The following CACNB2 variants were observed in gnomAD, a reference collection of about 807,000 sequenced individuals.
CACNB2 encodes the protein calcium voltage-gated channel auxiliary subunit beta 2.
Under a neutral mutation model 73.3 loss-of-function variants are expected in CACNB2, and 42 were observed. That is an observed-to-expected ratio of 0.57 (90% CI 0.45 to 0.74). The LOEUF is 0.74. Among genes scored for constraint, CACNB2 ranks in the 30% least tolerant of loss-of-function variants. CACNB2 has a pLI of 0.00. For synonymous variants in CACNB2, 348 were observed against 310.3 expected (o/e 1.12, Z -1.28); for missense variants, 940 against 853.0 (o/e 1.10, Z -1.27).
chr10:18,207,101 C>T (rs1478361824), intron 2 of CACNB2, among the ~76,000 whole-genome samples: 1 of 152,118 alleles, frequency 6.6e-6, no homozygotes, highest in Non-Finnish European at 1.5e-5. Flanking sequence ...CTCTACCTCC[C>T]GGGTTCAAGT....
At chr10:18,499,474 G>A (rs1387639994) in intron 4 of CACNB2, among the ~76,000 whole-genome samples, 1 of 151,974 alleles carries the variant, frequency 6.6e-6, no homozygotes, top group East Asian at 1.9e-4. Context: ...AATTATCTGG[G>A]TGTAGTGGCA....
chr10:18,428,745 C>T (rs1035382360), intron 3 of CACNB2, among the ~76,000 whole-genome samples: 3 of 151,272 alleles, frequency 2.0e-5, no homozygotes, highest in African/African-American at 7.3e-5. Context: ...AGGTTTTTAC[C>T]CTTTATTAGT....
intron 3 of CACNB2, among the ~76,000 whole-genome samples, chr10:18,411,707 C>T (rs1328122591): frequency 6.6e-6 from 1 of 152,078 alleles, no homozygotes; most frequent in Non-Finnish European, 1.5e-5. Flanking sequence ...GGGGTTTTAC[C>T]ATGTTGGCCA....
chr10:18,404,381 G>T (rs2044170965), intron 3 of CACNB2, among the ~76,000 whole-genome samples: 1 of 152,016 alleles, frequency 6.6e-6, no homozygotes, highest in Non-Finnish European at 1.5e-5. Context: ...AATTTTTATT[G>T]TTATCTATAA....
intron 2 of CACNB2, among the ~76,000 whole-genome samples, chr10:18,165,397 C>T (rs2131116600): frequency 6.6e-6 from 1 of 152,330 alleles, no homozygotes; most frequent in South Asian, 2.1e-4. Flanking sequence ...TGTCACTGCA[C>T]CTGTGCCCTC....
intron 2 of CACNB2, among the ~76,000 whole-genome samples, chr10:18,313,289 C>A (rs2131898464): frequency 6.7e-6 from 1 of 149,870 alleles, no homozygotes; most frequent in East Asian, 2.0e-4. Context: ...AGCACCGTGG[C>A]CATTTGGGGC....
intron 2 of CACNB2, among the ~76,000 whole-genome samples, chr10:18,216,153 C>A (rs1271688898): frequency 1.3e-5 from 2 of 149,538 alleles, no homozygotes; most frequent in African/African-American, 4.9e-5. Flanking sequence ...AAAAAATAGC[C>A]AAATGTGTTG....
chr10:18,310,605 C>CAAAAAAAAAAAAAAAAAAAAAAAATA (rs1157466238), intron 2 of CACNB2, among the ~76,000 whole-genome samples: 3 of 36,854 alleles, frequency 8.1e-5, no homozygotes, highest in East Asian at 1.3e-3. Flanking sequence ...AACTCCATCT[C>CAAAAAAAAAAAAAAAAAAAAAAAATA]AAAAAAAAAA....
At chr10:18,304,481 T>C (rs2039650598) in intron 2 of CACNB2, among the ~76,000 whole-genome samples, 1 of 152,162 alleles carries the variant, frequency 6.6e-6, no homozygotes, top group Non-Finnish European at 1.5e-5. Flanking sequence ...TCCCCAAATT[T>C]CCAGGTGAAG....
intron 2 of CACNB2, among the ~76,000 whole-genome samples, chr10:18,154,714 C>T (rs1187442415): frequency 7.2e-5 from 11 of 152,134 alleles, no homozygotes; most frequent in Admixed American, 1.3e-4. Flanking sequence ...GTGATCCACC[C>T]GCCTCGGCCT....
chr10:18,308,166 G>A (rs940443837), intron 2 of CACNB2, among the ~76,000 whole-genome samples: 1 of 151,614 alleles, frequency 6.6e-6, no homozygotes, highest in African/African-American at 2.4e-5. Flanking sequence ...GCTAATTTTT[G>A]TATTTTTGGT....
intron 3 of CACNB2, among the ~76,000 whole-genome samples, chr10:18,444,859 T>C (rs147042047): frequency 1.6e-4 from 24 of 152,320 alleles, no homozygotes; most frequent in Middle Eastern, 6.8e-3. Context: ...GAATTGTAAA[T>C]TGAGGGAACA....
At chr10:18,419,563 C>G (rs979896816) in intron 3 of CACNB2, among the ~76,000 whole-genome samples, 1 of 152,064 alleles carries the variant, frequency 6.6e-6, no homozygotes, top group African/African-American at 2.4e-5. Context: ...GAGTCAGGAC[C>G]CTCTTATTCA....
chr10:18,492,032 G>C (rs974579311), intron 3 of CACNB2, among the ~76,000 whole-genome samples: 2 of 151,586 alleles, frequency 1.3e-5, no homozygotes, highest in Non-Finnish European at 2.9e-5. Context: ...CTGGCTTCTA[G>C]GGGAGGCCTC....
At chr10:18,501,305 G>A (rs564316187) in intron 5 of CACNB2, among the ~76,000 whole-genome samples, 1 of 152,196 alleles carries the variant, frequency 6.6e-6, no homozygotes, top group Non-Finnish European at 1.5e-5. Context: ...GTAGCTGCCT[G>A]GTATGGCTGG....
At chr10:18,462,726 T>C (rs544962452) in intron 3 of CACNB2, among the ~76,000 whole-genome samples, 2 of 152,182 alleles carry the variant, frequency 1.3e-5, no homozygotes, top group South Asian at 4.1e-4. Context: ...TTTTAGTATT[T>C]TATATTTTTT....
At chr10:18,160,755 T>C (rs2032397703) in intron 2 of CACNB2, among the ~76,000 whole-genome samples, 1 of 152,156 alleles carries the variant, frequency 6.6e-6, no homozygotes, top group African/African-American at 2.4e-5. Flanking sequence ...ACTTCCCTCT[T>C]CCCTATTCTG....
At chr10:18,300,709 C>T (rs572918703) in intron 2 of CACNB2, among the ~76,000 whole-genome samples, 2 of 152,040 alleles carry the variant, frequency 1.3e-5, no homozygotes, top group Admixed American at 1.3e-4. Context: ...ATTAGCCGTG[C>T]ATGGTGGTGG....
intron 2 of CACNB2, among the ~76,000 whole-genome samples, chr10:18,158,281 C>T (rs1370383082): frequency 4.6e-5 from 7 of 152,050 alleles, no homozygotes; most frequent in Non-Finnish European, 8.8e-5. Flanking sequence ...AATTGCTTTC[C>T]AGTTCATAAG....
Sources: gnomAD v4.1 joint callset for allele counts (sites outside exome capture counted in the v4.1 genomes callset) on GRCh38, gnomAD v4.1.1 for gene constraint, MANE v1.5 for transcripts, NCBI Gene and HGNC (gene_info 2026-07-23, HGNC 2026-07-21) for gene names.